ARHGEF10L: variants seen among roughly 807,000 people sequenced by gnomAD.
ARHGEF10L encodes the protein rho guanine nucleotide exchange factor 10-like protein.
A neutral mutation model predicts 141.2 loss-of-function variants in ARHGEF10L; 69 were observed. The ratio of observed to expected loss-of-function variants is 0.49; its 90% CI spans 0.40 to 0.60. The LOEUF is 0.60. Ranked by LOEUF, ARHGEF10L falls within the 20% of genes least tolerant of loss-of-function variation. The pLI is 0.00. For synonymous variants in ARHGEF10L, 711 were observed against 718.5 expected (o/e 0.99, Z 0.17); for missense variants, 1,482 against 1,734.3 (o/e 0.85, Z 2.58).
chr1:17,534,995 G>C (rs923854826), upstream of ARHGEF10L, among the ~76,000 whole-genome samples: 4 of 152,172 alleles, frequency 2.6e-5, no homozygotes, highest in African/African-American at 9.6e-5. Flanking sequence ...TGGGGGGATG[G>C]TTTTGGGATG....
At chr1:17,546,717 G>A (rs2100666496) in intron 1 of ARHGEF10L, among the ~76,000 whole-genome samples, 1 of 152,234 alleles carries the variant, frequency 6.6e-6, no homozygotes, top group Admixed American at 6.5e-5. Flanking sequence ...ATTCAGTGTT[G>A]GCAAGGCCCA....
rs12028544 is a variant in ARHGEF10L at position 17,660,461 on chromosome 1, C to T, written c.2860+3753C>T. Among the ~76,000 whole-genome samples, 55 of 152,300 alleles carry T rather than the reference C, an allele frequency of 3.6e-4. No individual in the cohort carries two copies. The East Asian group carries it at 9.3e-3, about 26-fold the overall frequency. ...TAGACATGGCAATTCCCACGAGTGC[C>T]GCGACACAGCCTGGAGGATTGGCAC... On this transcript the variant is annotated intron_variant, in intron 25 of 28. Transcript: ENST00000361221.
chr1:17,553,900 A>G (rs965229915), intron 1 of ARHGEF10L, among the ~76,000 whole-genome samples: 1 of 152,154 alleles, frequency 6.6e-6, no homozygotes, highest in African/African-American at 2.4e-5. Flanking sequence ...TTTTTTGCCT[A>G]CTCAACAGGG....
At chr1:17,614,000 T>G (rs1033548235) in intron 8 of ARHGEF10L, among the ~76,000 whole-genome samples, 1 of 152,196 alleles carries the variant, frequency 6.6e-6, no homozygotes, top group African/African-American at 2.4e-5. Context: ...CAGTGGCTGT[T>G]GTTATCTACA....
In ARHGEF10L at chr1:17,656,650, C is replaced by A; in HGVS notation, c.2802C>A (p.Pro934=). The change falls in exon 25 of 29, where the codon CCC becomes CCA. Residue 934 remains proline, a synonymous_variant. Coordinates refer to ENST00000361221, the MANE Select transcript of ARHGEF10L (RefSeq NM_018125.4). The surrounding 1 kb of genome is among the most constrained non-coding windows in gnomAD (Gnocchi z 4.9). ...CTGTGCTCTGCCTGCGACACAGCCCCTTCCACCTGCTCGCTGGCCTGCAGG... is the reference window on the plus strand; with the variant it reads ...CTGTGCTCTGCCTGCGACACAGCCCATTCCACCTGCTCGCTGGCCTGCAGG... The part of the protein sequence containing the change: ...LQPVLCLRHS[P]FHLLAGLQDG... The A allele has an allele frequency of 6.2e-7, 1 of 1,613,744 alleles. No individual in the cohort carries two copies. Among genetic ancestry groups the A allele is most frequent in the Non-Finnish European group, 8.5e-7 (1 of 1,180,026 alleles).
At position 17,623,154 on chromosome 1, in the gene ARHGEF10L, C is replaced by T. The variant is rs752427264; in HGVS notation, c.1179C>T (p.Ile393=). ...RVAEWDSTEK[I]GDLFVASFSK... is the part of the protein sequence containing the mutation. ...CTGAGTGGGATTCCACCGAGAAGAT[C>T]GGGGACCTCTTCGTGGCCTCGGTAA... Residue 393 remains isoleucine, a synonymous_variant, in exon 12 of 29, where the codon ATC becomes ATT. Coordinates refer to ENST00000361221, the MANE Select transcript of ARHGEF10L (RefSeq NM_018125.4). The surrounding 1 kb of genome is among the most constrained non-coding windows in gnomAD (Gnocchi z 4.7). 1.2e-5 allele frequency: 20 copies of T among 1,613,014 alleles called. No homozygotes were observed. Among genetic ancestry groups the T allele is most frequent in the Non-Finnish European group, 1.6e-5 (19 of 1,179,648 alleles).
At chr1:17,524,038 C>A in the ARHGEF10L span, among the ~76,000 whole-genome samples, 1 of 152,164 alleles carries the variant, frequency 6.6e-6, no homozygotes, top group African/African-American at 2.4e-5. Context: ...CTTTGGGAGG[C>A]TGAGGCAGGT....
At chr1:17,514,672 A>G in the ARHGEF10L span, among the ~76,000 whole-genome samples, 38 of 152,340 alleles carry the variant, frequency 2.5e-4, no homozygotes, top group African/African-American at 8.7e-4. Context: ...GGAATTTTCA[A>G]TCAGAAGATT....
chr1:17,527,899 C>CA, the ARHGEF10L span, among the ~76,000 whole-genome samples: 1 of 145,326 alleles, frequency 6.9e-6, no homozygotes. Flanking sequence ...GATAGAGTCT[C>CA]ACTCTGTCAC....
chr1:17,677,301 C>A (rs1031797739), intron 26 of ARHGEF10L, among the ~76,000 whole-genome samples: 1 of 152,250 alleles, frequency 6.6e-6, no homozygotes, highest in African/African-American at 2.4e-5. Context: ...CACCTGCACC[C>A]TCGTGCACGC....
intron 2 of ARHGEF10L, among the ~76,000 whole-genome samples, chr1:17,585,938 C>T (rs960699046): frequency 3.9e-5 from 6 of 152,168 alleles, no homozygotes; most frequent in Admixed American, 6.5e-5. Context: ...CTTACATATA[C>T]GGGCACTGTG....
rs920679341 is a variant in ARHGEF10L at position 17,554,074 on chromosome 1, G to T, written c.-44+14124G>T. ...GTTTGCTAGGTGCTTCCTTGTGGGG[G>T]TGGGTACGGCCTCTCTACCTCACGT... On this transcript the variant is annotated intron_variant, in intron 1 of 28. Coordinates refer to ENST00000361221, the MANE Select transcript of ARHGEF10L (RefSeq NM_018125.4). 2.8e-4 allele frequency among the ~76,000 whole-genome samples: 42 copies of T among 152,298 alleles called. 1 individual carries two copies. Among genetic ancestry groups the T allele is most frequent in the African/African-American group, 9.6e-4 (40 of 41,560 alleles).
upstream of ARHGEF10L, among the ~76,000 whole-genome samples, chr1:17,539,364 C>T (rs2076633663): frequency 6.6e-6 from 1 of 152,202 alleles, no homozygotes; most frequent in Non-Finnish European, 1.5e-5. The surrounding 1 kb of genome is among the most constrained non-coding windows in gnomAD (Gnocchi z 6.0). Context: ...GAAGCCAGCA[C>T]CCTGCGCGCC....
intron 20 of ARHGEF10L, among the ~76,000 whole-genome samples, 172 bp downstream of exon 20, chr1:17,638,861 G>A (rs1031318725): frequency 1.3e-5 from 2 of 152,204 alleles, no homozygotes; most frequent in African/African-American, 4.8e-5. Context: ...CGCAGTAGGT[G>A]CTCATGAAAA....
At chr1:17,517,909 G>A in the ARHGEF10L span, among the ~76,000 whole-genome samples, 15 of 152,062 alleles carry the variant, frequency 9.9e-5, no homozygotes, top group Non-Finnish European at 1.8e-4. Flanking sequence ...TGATCCAACC[G>A]CCTCGGCCTC....
intron 22 of ARHGEF10L, 119 bp downstream of exon 22, chr1:17,648,794 G>T: frequency 7.3e-7 from 1 of 1,376,264 alleles, no homozygotes; most frequent in African/African-American, 1.4e-5. Context: ...TCCAGCTGTG[G>T]CTTCTAAATT....
At chr1:17,655,830 T>G in intron 23 of ARHGEF10L, 49 bp from the exon 24 acceptor site, 3 of 1,515,302 alleles carry the variant, frequency 2.0e-6, no homozygotes, top group Non-Finnish European at 1.8e-6. Flanking sequence ...CCTCCTCTGC[T>G]CCCTCCTGTG....
intron 26 of ARHGEF10L, among the ~76,000 whole-genome samples, chr1:17,682,740 G>A (rs1194234324): frequency 6.6e-6 from 1 of 152,128 alleles, no homozygotes; most frequent in Non-Finnish European, 1.5e-5. Context: ...TCCTGGTGGT[G>A]GGTGGGCAGG....
chr1:17,588,298 G>A, intron 3 of ARHGEF10L, 148 bp from the exon 4 acceptor site: 1 of 766,326 alleles, frequency 1.3e-6, no homozygotes, highest in Non-Finnish European at 2.2e-6. Context: ...CCAGGGCTGG[G>A]GGAGGGAGGC....
Sources: gnomAD v4.1 joint callset for allele counts (sites outside exome capture counted in the v4.1 genomes callset) on GRCh38, gnomAD v4.1.1 for gene constraint, Gnocchi (gnomAD v3.1) non-coding constraint, MANE v1.5 for transcripts, NCBI Gene and HGNC (gene_info 2026-07-23, HGNC 2026-07-21) for gene names.